The following PARVG variants were observed in gnomAD, a reference collection of about 807,000 sequenced individuals.
PARVG encodes gamma-parvin.
PARVG carries 36 observed loss-of-function variants against 44.4 expected under a neutral mutation model. The ratio of observed to expected loss-of-function variants is 0.81; its 90% CI spans 0.62 to 1.07. The LOEUF (loss-of-function observed/expected upper bound fraction) is 1.07. Among genes scored for constraint, PARVG ranks in the 50% least tolerant of loss-of-function variants. PARVG has a pLI of 0.00. For missense variants in PARVG, 407 were observed against 407.4 expected (o/e 1.00, Z 0.01); for synonymous variants, 170 against 174.1 (o/e 0.98, Z 0.19).
At chr22:44,186,120 G>A in intron 4 of PARVG, 3 of 363,510 alleles carry the variant, frequency 8.3e-6, no homozygotes, top group Non-Finnish European at 5.4e-6. Context: ...CATGGGATTT[G>A]AGGGGAATCT....
At position 44,181,060 on chromosome 22, in the gene PARVG, C is replaced by A; in HGVS notation, c.-314C>A. ...GTTCTCACCCCTTCTTCTTCCACTG[C>A]AAACTCCTATGCAGCCGTCAAGGCC... is the stretch of plus-strand genomic sequence containing the variant. On this transcript the variant is annotated 5_prime_UTR_variant, in exon 1 of 14. Coordinates refer to ENST00000444313, the MANE Select transcript of PARVG (RefSeq NM_022141.7). 2.3e-6 allele frequency: 2 copies of A among 870,908 alleles called. No individual in the cohort carries two copies. The highest frequency in any genetic ancestry group is 1.4e-6 in the Non-Finnish European group (1 of 725,574). 53.9% of individuals were successfully genotyped at this position (870,908 alleles called of 1,614,324 possible). A position where few individuals can be genotyped will look rare whatever the true frequency, so the allele number is the denominator to read the frequency against.
chr22:44,196,524 C>T (rs2054620149), intron 11 of PARVG, 109 bp downstream of exon 11: 9 of 1,211,182 alleles, frequency 7.4e-6, no homozygotes, highest in African/African-American at 1.5e-5. Context: ...GGTTGCATCA[C>T]CTCTTGGAGC....
In PARVG at chr22:44,187,882, A is replaced by C; in HGVS notation, c.247+4A>C. On this transcript the variant is annotated splice_donor_region_variant and intron_variant, in intron 5 of 13. Coordinates refer to ENST00000444313, the MANE Select transcript of PARVG (RefSeq NM_022141.7). The stretch of plus-strand genomic sequence containing the variant: ...CTCATCCTACACCACCTATTCCGTA[A>C]GTGGCTGTTTCTGGGGCTGCCTGGG... 6.2e-7 allele frequency: 1 copy of C among 1,614,104 alleles called. No homozygotes were observed. The highest frequency in any genetic ancestry group is 8.5e-7 in the Non-Finnish European group (1 of 1,180,022).
At chr22:44,201,280 C>G (rs1401843729) in intron 12 of PARVG, among the ~76,000 whole-genome samples, 2 of 152,190 alleles carry the variant, frequency 1.3e-5, no homozygotes, top group Admixed American at 1.3e-4. Flanking sequence ...CCCACTCACC[C>G]TCCCTCCTTG....
chr22:44,193,774 TG>T, intron 8 of PARVG, 26 bp from the exon 9 acceptor site: 1 of 1,610,520 alleles, frequency 6.2e-7, no homozygotes, highest in Non-Finnish European at 8.5e-7. Flanking sequence ...TTTAACCATT[TG>T]TTTGCTTTTT....
chr22:44,203,345 T>A (rs2054734859), intron 12 of PARVG, among the ~76,000 whole-genome samples: 1 of 152,212 alleles, frequency 6.6e-6, no homozygotes, highest in Non-Finnish European at 1.5e-5. Flanking sequence ...AATAAATAAC[T>A]TGGGGAAACA....
At position 44,206,623 on chromosome 22, in the gene PARVG, A is replaced by C; in HGVS notation, c.*197A>C. 1 of 583,900 alleles carries C rather than the reference A, an allele frequency of 1.7e-6. No homozygotes were observed. Among genetic ancestry groups the C allele is most frequent in the African/African-American group, 1.9e-5 (1 of 53,356 alleles). 36.2% of individuals were successfully genotyped at this position (583,900 alleles called of 1,614,324 possible). ...CATTTTGAGCCGCCTGGCCTTGCTCAGTTTATTTTAATAAAAGTATTTCTG... is the reference window on the plus strand; with the variant it reads ...CATTTTGAGCCGCCTGGCCTTGCTCCGTTTATTTTAATAAAAGTATTTCTG... On this transcript the variant is annotated 3_prime_UTR_variant, in exon 14 of 14. Transcript: ENST00000444313.
chr22:44,198,859 TATCC>T (rs142865703), intron 12 of PARVG, 137 bp downstream of exon 12: 195 of 526,072 alleles, frequency 3.7e-4, no homozygotes, highest in Middle Eastern at 9.6e-4. Flanking sequence ...TATGTCTGCC[TATCC>T]ATCCATCCAT....
Position 44,187,897 on chromosome 22 carries a change from G to C in PARVG, c.247+19G>C. Reference sequence around the variant, plus strand: ...CTATTCCGTAAGTGGCTGTTTCTGGGGCTGCCTGGGCCTCGGCCCCATCCC... The same window carrying C: ...CTATTCCGTAAGTGGCTGTTTCTGGCGCTGCCTGGGCCTCGGCCCCATCCC... On this transcript the variant is annotated intron_variant, in intron 5 of 13. Transcript: ENST00000444313. 1 of 1,613,630 alleles carries C rather than the reference G, an allele frequency of 6.2e-7. No homozygotes were observed. The highest frequency in any genetic ancestry group is 8.5e-7 in the Non-Finnish European group (1 of 1,179,844).
intron 6 of PARVG, 57 bp downstream of exon 6, chr22:44,189,311 T>C: frequency 6.3e-7 from 1 of 1,587,578 alleles, no homozygotes; most frequent in Non-Finnish European, 8.6e-7. Flanking sequence ...GGGGTCCTTC[T>C]GCTTCAGGCT....
chr22:44,175,171 G>T (rs1437660373), intron 1 of PARVG, among the ~76,000 whole-genome samples: 1 of 152,196 alleles, frequency 6.6e-6, no homozygotes, highest in Non-Finnish European at 1.5e-5. Flanking sequence ...CCAATGCACT[G>T]GTGTGAGCTG....
chr22:44,186,256 G>C, intron 4 of PARVG: 2 of 313,540 alleles, frequency 6.4e-6, no homozygotes, highest in Non-Finnish European at 1.3e-5. Flanking sequence ...CCCTAAGCCC[G>C]TGCTCCTCCC....
At position 44,198,937 on chromosome 22, in the gene PARVG, TCCAC is replaced by T. The variant is rs1257695303; in HGVS notation, c.813+223_813+226del. ...ATCCATCCATCTACCCATCCATCCA[TCCAC>T]CCACCCATCCATCCATCCATCCATC... is the stretch of plus-strand genomic sequence containing the variant. On this transcript the variant is annotated intron_variant, in intron 12 of 13. Coordinates refer to ENST00000444313, the MANE Select transcript of PARVG (RefSeq NM_022141.7). 2.0e-4 allele frequency among the ~76,000 whole-genome samples: 6 copies of T among 30,676 alleles called. 1 individual carries two copies. Among genetic ancestry groups the T allele is most frequent in the Middle Eastern group, 0.015 (1 of 66 alleles). 20.1% of individuals were successfully genotyped at this position (30,676 alleles called of 152,430 possible). A position where few individuals can be genotyped will look rare whatever the true frequency, so the allele number is the denominator to read the frequency against.
intron 1 of PARVG, among the ~76,000 whole-genome samples, chr22:44,174,571 C>G (rs1222207192): frequency 1.4e-5 from 2 of 147,844 alleles, no homozygotes; most frequent in Admixed American, 6.8e-5. Flanking sequence ...AAAAAAAAAC[C>G]CACAAAAAAT....
rs1201192518 is a variant in PARVG at position 44,187,690 on chromosome 22, A to G, written c.145-86A>G. 2.4e-6 allele frequency: 3 copies of G among 1,240,950 alleles called. No homozygotes were observed. In the East Asian group the frequency reaches 7.1e-5, roughly 29 times the overall value. The allele number at this position is 1,240,950 out of a possible 1,614,324, so 76.9% of individuals were successfully genotyped here. ...CCTTGAAAGATGGGTAGGAGTTGGC[A>G]GGCGAGAGGCAGGCATTCTGAGCCA... On this transcript the variant is annotated intron_variant, in intron 4 of 13. Transcript: ENST00000444313.
At chr22:44,197,194 G>A (rs1358952596) in intron 11 of PARVG, among the ~76,000 whole-genome samples, 2 of 152,170 alleles carry the variant, frequency 1.3e-5, no homozygotes, top group African/African-American at 4.8e-5. Context: ...AGCCAGAGCT[G>A]CTGACCTCTC....
Position 44,198,680 on chromosome 22 carries a change from C to G in PARVG, c.771C>G (p.His257Gln). ...LIGQLEGFFLHLKEFYLTPNS... is the reference protein window; with the variant it reads ...LIGQLEGFFLQLKEFYLTPNS... ...GACAACTTGAAGGCTTCTTCCTGCA[C>G]TTAAAGGAATTCTACCTCACTCCCA... Residue 257 changes from histidine (H) to glutamine (Q), a missense_variant, in exon 12 of 14, where the codon CAC (histidine) becomes CAG (glutamine). Transcript: ENST00000444313. 6.2e-7 allele frequency: 1 copy of G among 1,613,892 alleles called. No individual in the cohort carries two copies.
intron 12 of PARVG, among the ~76,000 whole-genome samples, chr22:44,200,466 T>C (rs892750956): frequency 7.9e-5 from 12 of 152,178 alleles, no homozygotes; most frequent in African/African-American, 2.2e-4. Flanking sequence ...GAGGGACATG[T>C]GGTCCCTAGT....
chr22:44,193,344 C>G (rs918271927), intron 8 of PARVG, among the ~76,000 whole-genome samples: 1 of 152,100 alleles, frequency 6.6e-6, no homozygotes, highest in African/African-American at 2.4e-5. Context: ...GCAAAACCAA[C>G]AGATGGCAAG....
Sources: gnomAD v4.1 joint callset for allele counts (sites outside exome capture counted in the v4.1 genomes callset) on GRCh38, gnomAD v4.1.1 for gene constraint, MANE v1.5 for transcripts, NCBI Gene and HGNC (gene_info 2026-07-23, HGNC 2026-07-21) for gene names.